FER1L6: variants seen among roughly 807,000 people sequenced by gnomAD.
The protein encoded by FER1L6 is fer-1-like protein 6.
A neutral mutation model predicts 219.2 loss-of-function variants in FER1L6; 177 were observed. That is an observed-to-expected ratio of 0.81 (90% confidence interval 0.71 to 0.91). The LOEUF is 0.91. Ranked by LOEUF, FER1L6 falls within the 40% of genes least tolerant of loss-of-function variation. The pLI, the probability that FER1L6 is intolerant of heterozygous loss-of-function variation, is 0.00. For missense variants in FER1L6, 2,153 were observed against 2,259.9 expected, an observed-to-expected ratio of 0.95 and a Z score of 0.96; for synonymous variants, 768 against 824.3, an observed-to-expected ratio of 0.93 and a Z score of 1.17.
chr8:124,023,329 T>G, intron 17 of FER1L6, 115 bp from the exon 18 acceptor site: 1 of 1,013,622 alleles, frequency 9.9e-7, no homozygotes, highest in Non-Finnish European at 1.5e-6. Flanking sequence ...GTCACAGCAT[T>G]TGTTTTGTCG....
chr8:123,874,274 C>A lies in FER1L6; in HGVS notation c.-8+22089C>A, dbSNP rs149839294. On this transcript the variant is annotated intron_variant, in intron 1 of 40. Coordinates refer to ENST00000522917, the MANE Select transcript of FER1L6 (RefSeq NM_001039112.2). ...GATTTCATACCTTCTTTTCTCAAGT[C>A]ATAGAATATAGGGTCAGACTGCCTA... Among the ~76,000 whole-genome samples, 14 of 152,296 alleles carry A rather than the reference C, an allele frequency of 9.2e-5. No individual in the cohort carries two copies. The East Asian group carries it at 2.7e-3, about 29-fold the overall frequency.
intron 22 of FER1L6, among the ~76,000 whole-genome samples, chr8:124,057,873 A>T (rs1820378002): frequency 6.6e-6 from 1 of 151,996 alleles, no homozygotes; most frequent in African/African-American, 2.4e-5. Flanking sequence ...ATCTATTGAA[A>T]TTTTTTATCT....
chr8:123,923,234 C>T (rs1253009070), intron 1 of FER1L6, among the ~76,000 whole-genome samples: 1 of 152,194 alleles, frequency 6.6e-6, no homozygotes, highest in Admixed American at 6.5e-5. Context: ...CAGCTGTGAT[C>T]CTGGAGGGAA....
chr8:124,076,061 A>G, intron 31 of FER1L6, 137 bp from the exon 32 acceptor site: 1 of 1,091,298 alleles, frequency 9.2e-7, no homozygotes. Context: ...TCAAAAGCCC[A>G]AAGCCCTGGC....
rs1815442093 is a variant in FER1L6 at position 123,964,424 on chromosome 8, G to A, written c.197+1026G>A. Among the ~76,000 whole-genome samples, 3 of 152,196 alleles carry A rather than the reference G, an allele frequency of 2.0e-5. No homozygotes were observed. In the South Asian group the frequency reaches 6.2e-4, roughly 32 times the overall value. On this transcript the variant is annotated intron_variant, in intron 3 of 40. Transcript: ENST00000522917. ...TTTCTGGGTTGTGACAGGATGGCAG[G>A]GTACATATATGTGGGTTAGAGGGCA...
At chr8:123,991,923 G>T (rs548533476) in intron 12 of FER1L6, among the ~76,000 whole-genome samples, 2 of 152,058 alleles carry the variant, frequency 1.3e-5, no homozygotes, top group Non-Finnish European at 2.9e-5. Flanking sequence ...AAATGATGCT[G>T]TATTTTATTG....
rs1162414250 is a variant in FER1L6 at position 124,118,875 on chromosome 8, C to T, written c.5321C>T (p.Thr1774Ile). ...GTTGAAGCTGAGTTCCACCTAGTTACAGCAGAAGAAGCTGAGAAAAATCCT... is the reference window on the plus strand; with the variant it reads ...GTTGAAGCTGAGTTCCACCTAGTTATAGCAGAAGAAGCTGAGAAAAATCCT... Reference protein sequence around the residue: ...GKVEAEFHLVTAEEAEKNPVG... With the variant: ...GKVEAEFHLVIAEEAEKNPVG... Residue 1774 changes from threonine (T) to isoleucine (I), a missense_variant, in exon 40 of 41, where the codon ACA becomes ATA. By Grantham distance (89) the Thr-to-Ile change is moderately conservative. Transcript: ENST00000522917. 1.2e-6 allele frequency: 2 copies of T among 1,614,032 alleles called. No individual in the cohort carries two copies. Among genetic ancestry groups the T allele is most frequent in the South Asian group, 2.2e-5 (2 of 91,080 alleles).
intron 20 of FER1L6, among the ~76,000 whole-genome samples, chr8:124,042,486 G>C (rs1331212177): frequency 6.6e-6 from 1 of 152,242 alleles, no homozygotes; most frequent in Non-Finnish European, 1.5e-5. Flanking sequence ...GCTCGGAAGC[G>C]ATATAGCTAG....
At chr8:124,052,950 G>C (rs761387591) in intron 22 of FER1L6, among the ~76,000 whole-genome samples, 20 of 152,162 alleles carry the variant, frequency 1.3e-4, no homozygotes, top group Admixed American at 4.6e-4. Flanking sequence ...AAAAATAAAA[G>C]TGTCGAATAA....
rs561060728 is a variant in FER1L6 at position 124,060,355 on chromosome 8, G to A, written c.2985+65G>A. The A allele has an allele frequency of 2.0e-6, 3 of 1,513,732 alleles. No individual in the cohort carries two copies. The African/African-American group carries it at 4.1e-5, about 21-fold the overall frequency. The allele number at this position is 1,513,732 out of a possible 1,614,324, so 93.8% of individuals were successfully genotyped here. A position where few individuals can be genotyped will look rare whatever the true frequency, so the allele number is the denominator to read the frequency against. ...CAAGGGCAGTGGCCCCACCTGAATT[G>A]TAGGAGAGGTGATATGGAATGGGCG... is the stretch of plus-strand genomic sequence containing the variant. On this transcript the variant is annotated intron_variant, in intron 23 of 40. Transcript: ENST00000522917.
chr8:124,106,359 A>AAAC, intron 39 of FER1L6, among the ~76,000 whole-genome samples: 1 of 123,948 alleles, frequency 8.1e-6, no homozygotes, highest in African/African-American at 3.0e-5. Flanking sequence ...AAAAAAAAAA[A>AAAC]AACAGAGTGG....
chr8:123,940,122 G>A (rs111314339), intron 1 of FER1L6, among the ~76,000 whole-genome samples: 12 of 152,260 alleles, frequency 7.9e-5, no homozygotes, highest in South Asian at 6.2e-4. Context: ...GTTAAATTAC[G>A]ATAACAACTG....
intron 1 of FER1L6, among the ~76,000 whole-genome samples, chr8:123,941,495 G>T (rs894789040): frequency 1.1e-4 from 17 of 152,300 alleles, no homozygotes; most frequent in African/African-American, 3.8e-4. Flanking sequence ...CAGGGATGCA[G>T]TAGGAGAGGA....
At chr8:124,017,556 T>C in intron 15 of FER1L6, 72 bp from the exon 16 acceptor site, 1 of 1,213,758 alleles carries the variant, frequency 8.2e-7, no homozygotes, top group Non-Finnish European at 1.2e-6. Flanking sequence ...GAAACAATAT[T>C]TGCAAACCTC....
At chr8:123,993,677 C>A (rs572783818) in intron 12 of FER1L6, among the ~76,000 whole-genome samples, 1 of 152,240 alleles carries the variant, frequency 6.6e-6, no homozygotes, top group South Asian at 2.1e-4. Context: ...TGCACTGCCC[C>A]TTTCCCTCAG....
At chr8:124,093,457 C>T (rs546378360) in intron 34 of FER1L6, among the ~76,000 whole-genome samples, 1 of 152,128 alleles carries the variant, frequency 6.6e-6, no homozygotes, top group East Asian at 1.9e-4. Context: ...ACCCCTACCA[C>T]TTTGATACCA....
At chr8:123,900,963 C>T (rs1812845613) in intron 1 of FER1L6, among the ~76,000 whole-genome samples, 1 of 152,080 alleles carries the variant, frequency 6.6e-6, no homozygotes, top group Non-Finnish European at 1.5e-5. Flanking sequence ...CTGTAGTCTT[C>T]TCTTTTGGTT....
At chr8:123,887,994 C>T (rs1391647845) in intron 1 of FER1L6, among the ~76,000 whole-genome samples, 1 of 152,142 alleles carries the variant, frequency 6.6e-6, no homozygotes. Flanking sequence ...AGTACCCTGA[C>T]TGTTTCAAGT....
chr8:124,067,842 T>C (rs1465221177), intron 28 of FER1L6, 36 bp downstream of exon 28: 1 of 1,570,678 alleles, frequency 6.4e-7, no homozygotes, highest in Non-Finnish European at 8.8e-7. Context: ...GTCCATAGAA[T>C]AGGGCCATCG....
Sources: gnomAD v4.1 joint callset for allele counts (sites outside exome capture counted in the v4.1 genomes callset) on GRCh38, gnomAD v4.1.1 for gene constraint, MANE v1.5 for transcripts, NCBI Gene and HGNC (gene_info 2026-07-23, HGNC 2026-07-21) for gene names.